REDIC1: variants seen among roughly 807,000 people sequenced by gnomAD.
REDIC1 encodes the protein HEI10 Interacting Protein 1.
chr12:39,710,251 A>G, the REDIC1 span, among the ~76,000 whole-genome samples: 130 of 151,878 alleles, frequency 8.6e-4, no homozygotes, highest in Non-Finnish European at 1.7e-3. Flanking sequence ...CTGTAGAGAG[A>G]TAATGTGTGT....
the REDIC1 span, chr12:39,721,582 T>C: frequency 5.7e-6 from 1 of 175,512 alleles, no homozygotes; most frequent in African/African-American, 2.4e-5. Context: ...ATATGCTTAA[T>C]TGCTTCCTTC....
the REDIC1 span, among the ~76,000 whole-genome samples, chr12:39,689,541 AT>A: frequency 1.3e-5 from 2 of 152,194 alleles, no homozygotes; most frequent in Non-Finnish European, 1.5e-5. Flanking sequence ...TGAATAGCAG[AT>A]AATTGACTAC....
the REDIC1 span, among the ~76,000 whole-genome samples, chr12:39,804,956 C>T: frequency 3.9e-5 from 5 of 127,290 alleles, no homozygotes; most frequent in East Asian, 1.3e-3. Flanking sequence ...TACCTGAAGA[C>T]TTTGGCACTT....
At chr12:39,636,710 A>G in the REDIC1 span, among the ~76,000 whole-genome samples, 1 of 152,072 alleles carries the variant, frequency 6.6e-6, no homozygotes, top group South Asian at 2.1e-4. Context: ...CAATGCCCCT[A>G]AGAAAACAAA....
chr12:39,643,638 G>A, the REDIC1 span: 1 of 597,760 alleles, frequency 1.7e-6, no homozygotes, highest in African/African-American at 2.0e-5. Context: ...TAATTGTAAT[G>A]TATTTATAAA....
At chr12:39,701,554 C>T in the REDIC1 span, among the ~76,000 whole-genome samples, 83 of 152,058 alleles carry the variant, frequency 5.5e-4, no homozygotes, top group African/African-American at 1.9e-3. Flanking sequence ...AGCAAGGATA[C>T]CCAGGAATTG....
At chr12:39,704,011 C>T in the REDIC1 span, among the ~76,000 whole-genome samples, 1 of 152,154 alleles carries the variant, frequency 6.6e-6, no homozygotes, top group Non-Finnish European at 1.5e-5. Flanking sequence ...AGGACATAGG[C>T]ATGGGCAAGG....
chr12:39,678,552 A>G, the REDIC1 span, among the ~76,000 whole-genome samples: 1 of 151,736 alleles, frequency 6.6e-6, no homozygotes, highest in East Asian at 1.9e-4. Flanking sequence ...TTATTCCAAA[A>G]GATAAAGAGA....
chr12:39,775,562 A>ACTT, the REDIC1 span, among the ~76,000 whole-genome samples: 1 of 152,220 alleles, frequency 6.6e-6, no homozygotes, highest in African/African-American at 2.4e-5. Context: ...ATAAGAAAAT[A>ACTT]CTTTGAAGTT....
the REDIC1 span, among the ~76,000 whole-genome samples, chr12:39,729,350 T>C: frequency 1.3e-5 from 2 of 152,232 alleles, no homozygotes; most frequent in Non-Finnish European, 1.5e-5. Flanking sequence ...GAGATTCTGA[T>C]ATATTGTGTC....
At chr12:39,696,508 A>G in the REDIC1 span, among the ~76,000 whole-genome samples, 1 of 118,792 alleles carries the variant, frequency 8.4e-6, no homozygotes, top group African/African-American at 3.2e-5. Flanking sequence ...CCGCCACTGC[A>G]CTCCAGCCTG....
the REDIC1 span, among the ~76,000 whole-genome samples, chr12:39,699,798 C>G: frequency 1.3e-5 from 2 of 152,214 alleles, no homozygotes; most frequent in Non-Finnish European, 2.9e-5. Context: ...GACCCCCGAG[C>G]AGCCTAACTG....
chr12:39,900,179 T>A, the REDIC1 span, among the ~76,000 whole-genome samples: 1 of 152,108 alleles, frequency 6.6e-6, no homozygotes, highest in African/African-American at 2.4e-5. Flanking sequence ...TAGGTATTGA[T>A]GGGACGTATC....
At chr12:39,649,002 A>T in the REDIC1 span, among the ~76,000 whole-genome samples, 90 of 152,004 alleles carry the variant, frequency 5.9e-4, no homozygotes, top group Middle Eastern at 3.4e-3. Context: ...CATTCAGTTT[A>T]TATTTCGTAA....
chr12:39,870,011 T>G, the REDIC1 span, among the ~76,000 whole-genome samples: 1 of 152,180 alleles, frequency 6.6e-6, no homozygotes, highest in Non-Finnish European at 1.5e-5. Context: ...GTCACACTAT[T>G]CAAATCCAAA....
chr12:39,712,985 GTGTATATACGTGTATATGTATATA>G, the REDIC1 span, among the ~76,000 whole-genome samples: 2 of 4,154 alleles, frequency 4.8e-4, no homozygotes, highest in South Asian at 0.014. Flanking sequence ...ATATATACAT[GTGTATATACGTGTATATGTATATA>G]TACATGTGTA....
chr12:39,833,636 T>C, the REDIC1 span, among the ~76,000 whole-genome samples: 1 of 152,114 alleles, frequency 6.6e-6, no homozygotes, highest in South Asian at 2.1e-4. Context: ...ACCAGGCATA[T>C]TGATACAAAT....
the REDIC1 span, among the ~76,000 whole-genome samples, chr12:39,901,806 T>C: frequency 2.1e-5 from 3 of 141,406 alleles, no homozygotes; most frequent in African/African-American, 8.0e-5. Flanking sequence ...GATCTAGAAC[T>C]AGAAATACCA....
chr12:39,659,605 T>G, the REDIC1 span, among the ~76,000 whole-genome samples: 7 of 152,274 alleles, frequency 4.6e-5, no homozygotes, highest in East Asian at 1.3e-3. Context: ...TTGATTTACC[T>G]TTTCTTTTTT....
Sources: gnomAD v4.1 joint callset for allele counts (sites outside exome capture counted in the v4.1 genomes callset) on GRCh38, gnomAD v4.1.1 for gene constraint, MANE v1.5 for transcripts, NCBI Gene and HGNC (gene_info 2026-07-23, HGNC 2026-07-21) for gene names.